Variants in DMD observed in about 807,000 individuals in gnomAD.
DMD encodes mutant dystrophin.
In DMD, 63 loss-of-function variants were observed where a neutral mutation model predicts 330.1. The observed-to-expected ratio is 0.19, with a 90% confidence interval of 0.16 to 0.24. The LOEUF (loss-of-function observed/expected upper bound fraction) is 0.24, where lower values mean the gene tolerates loss of function less well. Ranked by LOEUF, DMD falls within the 10% of genes least tolerant of loss-of-function variation. The pLI is 1.00. For missense variants in DMD, 3,344 were observed against 2,684.1 expected (o/e 1.25, Z -5.43); for synonymous variants, 1,223 against 959.8 (o/e 1.27, Z -5.07).
At chrX:32,976,291 T>G (rs1364812394) in intron 2 of DMD, among the ~76,000 whole-genome samples, 1 of 110,600 alleles carries the variant, frequency 9.0e-6, no homozygotes, top group East Asian at 2.8e-4. Flanking sequence ...TGGGTACATT[T>G]AAGAAACGTG....
chrX:32,525,858 T>C (rs1211797672), intron 17 of DMD, among the ~76,000 whole-genome samples: 1 of 112,119 alleles, frequency 8.9e-6, no homozygotes, highest in Non-Finnish European at 1.9e-5. Context: ...TTACCTTCTT[T>C]AAAACCCTCA....
intron 60 of DMD, among the ~76,000 whole-genome samples, chrX:31,403,395 C>T (rs765685823): frequency 3.6e-5 from 4 of 111,614 alleles, no homozygotes; most frequent in Non-Finnish European, 7.5e-5. Flanking sequence ...TCATCTATGA[C>T]GTTAAATCCG....
At chrX:32,816,326 TGGAAC>T (rs941545123) in intron 6 of DMD, 137 bp downstream of exon 6, 24 of 622,392 alleles carry the variant, frequency 3.9e-5, no homozygotes, top group Admixed American at 3.1e-4. Flanking sequence ...TTCATTCCAA[TGGAAC>T]GTTAGATCAA....
chrX:32,912,668 T>C (rs1187581362), intron 2 of DMD, among the ~76,000 whole-genome samples: 1 of 111,750 alleles, frequency 8.9e-6, no homozygotes, highest in Admixed American at 9.5e-5. Flanking sequence ...ATAAATGCAA[T>C]ATGATTCCAA....
chrX:31,474,067 A>T (rs2067542282), intron 59 of DMD, among the ~76,000 whole-genome samples: 1 of 111,937 alleles, frequency 8.9e-6, no homozygotes, highest in South Asian at 3.7e-4. Flanking sequence ...GTTTTTTCCT[A>T]TGGAAGCTAT....
chrX:33,238,271 C>G (rs1225219376), intron 1 of DMD, among the ~76,000 whole-genome samples: 1 of 111,808 alleles, frequency 8.9e-6, no homozygotes, highest in Non-Finnish European at 1.9e-5. Flanking sequence ...CCTCTCTTAG[C>G]TGGGTTCTAG....
intron 52 of DMD, among the ~76,000 whole-genome samples, chrX:31,716,445 G>A (rs968602464): frequency 2.7e-5 from 3 of 111,252 alleles, no homozygotes; most frequent in African/African-American, 9.8e-5. Flanking sequence ...CAGCTACTCA[G>A]ATGGCTGAGG....
At chrX:32,636,901 A>G (rs7883221) in intron 11 of DMD, among the ~76,000 whole-genome samples, 14,994 of 109,535 alleles carry the variant, frequency 0.14, 2,618 homozygotes, top group African/African-American at 0.48. Context: ...GGGAGGCTGA[A>G]CCAGGAGAAT....
At chrX:31,984,819 C>T (rs2095498844) in intron 44 of DMD, among the ~76,000 whole-genome samples, 1 of 111,911 alleles carries the variant, frequency 8.9e-6, no homozygotes, top group African/African-American at 3.2e-5. Flanking sequence ...CATGTGGCAT[C>T]CTTCTCTATA....
At chrX:33,113,653 G>C (rs1603299555) in intron 1 of DMD, among the ~76,000 whole-genome samples, 2 of 108,520 alleles carry the variant, frequency 1.8e-5, no homozygotes, top group South Asian at 8.2e-4. Context: ...AATGTAATTA[G>C]ACAGACTAAG....
intron 7 of DMD, among the ~76,000 whole-genome samples, chrX:32,705,392 G>C (rs1321652707): frequency 7.1e-5 from 8 of 112,067 alleles, no homozygotes. Context: ...ACGATAAAAA[G>C]TAATGGCCTA....
intron 2 of DMD, among the ~76,000 whole-genome samples, chrX:33,007,999 G>T (rs1410149613): frequency 9.0e-6 from 1 of 111,036 alleles, no homozygotes; most frequent in Admixed American, 9.6e-5. Flanking sequence ...ACTCTCATTT[G>T]TTCTCATTAA....
intron 13 of DMD, among the ~76,000 whole-genome samples, chrX:32,577,009 T>G (rs1015482348): frequency 1.8e-5 from 2 of 111,641 alleles, no homozygotes; most frequent in African/African-American, 6.5e-5. Flanking sequence ...TTGTGTCCCA[T>G]GAAATCCATG....
intron 45 of DMD, among the ~76,000 whole-genome samples, chrX:31,964,504 T>C (rs2095334578): frequency 9.0e-6 from 1 of 111,326 alleles, no homozygotes; most frequent in Non-Finnish European, 1.9e-5. Context: ...CATGGTTATA[T>C]ATGGCATGTC....
chrX:32,757,479 T>C (rs1243724010), intron 7 of DMD, among the ~76,000 whole-genome samples: 1 of 111,546 alleles, frequency 9.0e-6, no homozygotes, highest in Non-Finnish European at 1.9e-5. Context: ...AAATCTTGAA[T>C]TGTAGCTCCC....
At chrX:31,479,748 C>A in intron 57 of DMD, among the ~76,000 whole-genome samples, 1 of 112,197 alleles carries the variant, frequency 8.9e-6, no homozygotes, top group Middle Eastern at 4.6e-3. Flanking sequence ...ATGAACAGAT[C>A]TAGAATTAAT....
intron 19 of DMD, among the ~76,000 whole-genome samples, chrX:32,498,165 C>G (rs1432065053): frequency 1.8e-5 from 2 of 110,959 alleles, no homozygotes; most frequent in Non-Finnish European, 3.8e-5. Flanking sequence ...TTTCCTGAGA[C>G]CAGGGTTATG....
chrX:33,040,386 C>A (rs1378544454), intron 1 of DMD, among the ~76,000 whole-genome samples: 1 of 110,975 alleles, frequency 9.0e-6, no homozygotes, highest in Non-Finnish European at 1.9e-5. Flanking sequence ...GGTCAAGATA[C>A]CCTCTTTGGA....
At chrX:33,073,005 G>A (rs1253704340) in intron 1 of DMD, among the ~76,000 whole-genome samples, 2 of 112,000 alleles carry the variant, frequency 1.8e-5, no homozygotes, top group Non-Finnish European at 3.8e-5. Flanking sequence ...AGCAAAAGAT[G>A]TTCAATTCAG....
Sources: gnomAD v4.1 joint callset for allele counts (sites outside exome capture counted in the v4.1 genomes callset) on GRCh38, gnomAD v4.1.1 for gene constraint, MANE v1.5 for transcripts, NCBI Gene and HGNC (gene_info 2026-07-23, HGNC 2026-07-21) for gene names.